CLASP1: variants seen among roughly 807,000 people sequenced by gnomAD.
CLASP1 encodes the protein CLIP-associating protein 1.
In CLASP1, 38 loss-of-function variants were observed where a neutral mutation model predicts 192.3. The ratio of observed to expected loss-of-function variants is 0.20; its 90% confidence interval spans 0.15 to 0.26. CLASP1 has a LOEUF of 0.26. CLASP1 is among the 10% of genes least tolerant of loss of function. The pLI, the probability that CLASP1 is intolerant of heterozygous loss-of-function variation, is 1.00. For missense variants in CLASP1, 1,433 were observed against 1,932.5 expected, an observed-to-expected ratio of 0.74 and a Z score of 4.85; for synonymous variants, 691 against 712.8, an observed-to-expected ratio of 0.97 and a Z score of 0.49.
intron 1 of CLASP1, among the ~76,000 whole-genome samples, chr2:121,635,034 T>C (rs1178813348): frequency 1.3e-5 from 2 of 151,938 alleles, no homozygotes; most frequent in African/African-American, 4.8e-5. Context: ...TTTAAACTCT[T>C]GTTAAATCAG....
intron 2 of CLASP1, chr2:121,531,126 AAAGTTCTTTC>A (rs2094841795): frequency 1.6e-6 from 1 of 626,154 alleles, no homozygotes; most frequent in Admixed American, 2.4e-5. Flanking sequence ...TGTCGCAAGT[AAAGTTCTTTC>A]AGTTTTTGCG....
intron 2 of CLASP1, among the ~76,000 whole-genome samples, chr2:121,568,001 A>G (rs1373194927): frequency 1.3e-5 from 2 of 152,232 alleles, no homozygotes; most frequent in South Asian, 2.1e-4. Flanking sequence ...TTTTACATCC[A>G]TGAATCAAAA....
chr2:121,492,380 C>T (rs1645319553), intron 8 of CLASP1, among the ~76,000 whole-genome samples: 1 of 120,108 alleles, frequency 8.3e-6, no homozygotes, highest in Non-Finnish European at 1.7e-5. Context: ...CAGAGCGAGA[C>T]TCCCTCTCCA....
intron 14 of CLASP1, among the ~76,000 whole-genome samples, chr2:121,453,633 C>T (rs2086021833): frequency 6.6e-6 from 1 of 152,202 alleles, no homozygotes; most frequent in Non-Finnish European, 1.5e-5. Flanking sequence ...ATTTCCCAGT[C>T]TGGGTTTTTC....
intron 39 of CLASP1, among the ~76,000 whole-genome samples, chr2:121,345,247 G>C (rs2063307565): frequency 1.3e-5 from 2 of 152,312 alleles, no homozygotes; most frequent in Admixed American, 1.3e-4. Context: ...AACTAAGGTT[G>C]TAACTGGGGG....
At chr2:121,627,053 CAG>C (rs35900813) in intron 1 of CLASP1, among the ~76,000 whole-genome samples, 34,860 of 151,804 alleles carry the variant, frequency 0.23, 5,914 homozygotes, top group African/African-American at 0.48. Flanking sequence ...ACATTTAGTT[CAG>C]AGAGTTCAGT....
At chr2:121,345,832 AGGTGTGAGACAGCAGTGATG>A (rs2063382580) in intron 39 of CLASP1, among the ~76,000 whole-genome samples, 2 of 152,234 alleles carry the variant, frequency 1.3e-5, no homozygotes, top group East Asian at 3.8e-4. Flanking sequence ...GCATCTGGCC[AGGTGTGAGACAGCAGTGATG>A]GGTGCTATTG....
At chr2:121,581,370 G>GT (rs1334196008) in intron 2 of CLASP1, among the ~76,000 whole-genome samples, 21 of 141,878 alleles carry the variant, frequency 1.5e-4, no homozygotes, top group African/African-American at 5.6e-4. Context: ...CGCTTCCCGG[G>GT]TTCACGCCAT....
At chr2:121,570,359 C>G (rs2105401276) in intron 2 of CLASP1, among the ~76,000 whole-genome samples, 1 of 152,326 alleles carries the variant, frequency 6.6e-6, no homozygotes. Context: ...GTTTCTTAAA[C>G]ATAAAGCCAA....
At chr2:121,541,414 A>G (rs1044274701) in intron 2 of CLASP1, among the ~76,000 whole-genome samples, 1 of 152,250 alleles carries the variant, frequency 6.6e-6, no homozygotes, top group Non-Finnish European at 1.5e-5. Flanking sequence ...TAAGGAAAAT[A>G]AAGACCAAAA....
intron 22 of CLASP1, among the ~76,000 whole-genome samples, chr2:121,423,676 C>T (rs1056639122): frequency 6.6e-6 from 1 of 152,160 alleles, no homozygotes; most frequent in Non-Finnish European, 1.5e-5. Flanking sequence ...ACATAAAATT[C>T]AGATATTCCA....
At chr2:121,548,126 T>C (rs555673097) in intron 2 of CLASP1, among the ~76,000 whole-genome samples, 1 of 152,206 alleles carries the variant, frequency 6.6e-6, no homozygotes, top group African/African-American at 2.4e-5. Context: ...ATCACTGAGA[T>C]TCATGAGAAT....
chr2:121,368,444 C>T (rs949155841), intron 34 of CLASP1, among the ~76,000 whole-genome samples: 3 of 152,060 alleles, frequency 2.0e-5, no homozygotes, highest in African/African-American at 7.3e-5. Flanking sequence ...TAGTATTTCC[C>T]AAATTTTTTT....
intron 2 of CLASP1, among the ~76,000 whole-genome samples, chr2:121,578,422 C>CAAA (rs70954557): frequency 3.0e-5 from 2 of 65,748 alleles, no homozygotes; most frequent in Non-Finnish European, 6.0e-5. Context: ...AGACTATCTC[C>CAAA]AAAAAAAAAA....
At chr2:121,425,183 C>T in exon 22 of CLASP1, 1 of 1,612,512 alleles carries the variant, frequency 6.2e-7, no homozygotes, top group Non-Finnish European at 8.5e-7. Context: ...ACATCCCTGG[C>T]TCCTGGGAAT....
At chr2:121,459,152 T>C (rs1435764657) in intron 12 of CLASP1, among the ~76,000 whole-genome samples, 177 bp from the exon 13 acceptor site, 1 of 114,486 alleles carries the variant, frequency 8.7e-6, no homozygotes, top group East Asian at 7.5e-4. Context: ...AGTTTTGTTG[T>C]TTTTTTTTTT....
In CLASP1 at chr2:121,513,515, T is replaced by G. The variant is rs967206465; in HGVS notation, c.644+2150A>C. On this transcript the variant is annotated intron_variant, in intron 7 of 39. Transcript: ENST00000263710. ...GACTGAGAAGCTGGAAAAGGTGGCT[T>G]TAACTCCAGCTCTGGCATCCAGGCC... Among the ~76,000 whole-genome samples, 8 of 152,170 alleles carry G rather than the reference T, an allele frequency of 5.3e-5. No homozygotes were observed. The East Asian group carries it at 1.4e-3, about 26-fold the overall frequency.
chr2:121,341,626 A>G (rs968367943), intron 39 of CLASP1, among the ~76,000 whole-genome samples: 1 of 152,244 alleles, frequency 6.6e-6, no homozygotes, highest in Non-Finnish European at 1.5e-5. Context: ...CAAAGGGAGC[A>G]AGGCTGGCTA....
intron 1 of CLASP1, among the ~76,000 whole-genome samples, chr2:121,624,553 A>G (rs747797317): frequency 1.3e-5 from 2 of 152,110 alleles, no homozygotes; most frequent in African/African-American, 2.4e-5. Flanking sequence ...AGTAGCTGGG[A>G]TTACAGGTAC....
Sources: allele counts gnomAD v4.1 joint callset (sites outside exome capture counted in the v4.1 genomes callset), GRCh38; gene constraint gnomAD v4.1.1; transcripts MANE v1.5; gene names NCBI Gene and HGNC (gene_info 2026-07-23, HGNC 2026-07-21).